Variants in IRAK2 observed in about 807,000 individuals in gnomAD.
The protein encoded by IRAK2 is interleukin 1 receptor associated kinase 2.
Under a neutral mutation model 72.0 loss-of-function variants are expected in IRAK2, and 57 were observed. The observed-to-expected ratio is 0.79, with a 90% confidence interval of 0.64 to 0.99. The LOEUF (loss-of-function observed/expected upper bound fraction) is 0.99, where lower values mean the gene tolerates loss of function less well. Ranked by LOEUF, IRAK2 falls within the 50% of genes least tolerant of loss-of-function variation. The probability of loss-of-function intolerance (pLI) is 0.00; values close to 1 mark genes in which losing one functional copy is unlikely to be tolerated. For missense variants in IRAK2, 790 were observed against 794.4 expected, an observed-to-expected ratio of 0.99 and a Z score of 0.07; for synonymous variants, 293 against 312.7, an observed-to-expected ratio of 0.94 and a Z score of 0.67.
In IRAK2 at chr3:10,192,175, C is replaced by A. The variant is rs149186281; in HGVS notation, c.278-8194C>A. Among the ~76,000 whole-genome samples, 781 of 152,210 alleles carry A rather than the reference C, an allele frequency of 5.1e-3. 13 individuals are homozygous for A. The highest frequency in any genetic ancestry group is 0.018 in the African/African-American group (740 of 41,518). ...TTGTCCCTGATAGAGCCAGCTGGCACGAGGGTGCTTTAGTTATAGCTGAAT... is the reference window on the plus strand; with the variant it reads ...TTGTCCCTGATAGAGCCAGCTGGCAAGAGGGTGCTTTAGTTATAGCTGAAT... On this transcript the variant is annotated intron_variant, in intron 2 of 12. Transcript: ENST00000256458.
At chr3:10,240,844 C>T (rs1229024820) in intron 12 of IRAK2, among the ~76,000 whole-genome samples, 1 of 151,682 alleles carries the variant, frequency 6.6e-6, no homozygotes, top group African/African-American at 2.4e-5. Flanking sequence ...TAGGTATGAG[C>T]CACCGCACCC....
At chr3:10,193,058 G>T (rs1697202138) in intron 2 of IRAK2, among the ~76,000 whole-genome samples, 2 of 152,196 alleles carry the variant, frequency 1.3e-5, no homozygotes, top group African/African-American at 2.4e-5. Context: ...GAGCCTGACT[G>T]CAGGACACAC....
At chr3:10,238,702 T>G (rs1448234226) in intron 11 of IRAK2, 46 bp from the exon 12 acceptor site, 2 of 1,574,316 alleles carry the variant, frequency 1.3e-6, no homozygotes, top group Non-Finnish European at 1.7e-6. Flanking sequence ...CATTTCTATT[T>G]CAGAGAGAAT....
intron 1 of IRAK2, among the ~76,000 whole-genome samples, chr3:10,175,782 C>T (rs532623073): frequency 2.1e-5 from 3 of 145,886 alleles, no homozygotes; most frequent in Admixed American, 1.4e-4. Context: ...CCCAGCTACT[C>T]GGGAGGCTGA....
intron 2 of IRAK2, among the ~76,000 whole-genome samples, chr3:10,190,687 G>C (rs1304360522): frequency 6.6e-6 from 1 of 152,158 alleles, no homozygotes; most frequent in Non-Finnish European, 1.5e-5. Flanking sequence ...TAGATGCTTA[G>C]CTCTTACAAC....
chr3:10,200,661 C>T (rs775513670), intron 3 of IRAK2, 146 bp downstream of exon 3: 28 of 603,946 alleles, frequency 4.6e-5, no homozygotes, highest in Non-Finnish European at 7.5e-5. Flanking sequence ...CTCCGTGAGG[C>T]TGAGGCGGGA....
At chr3:10,170,339 C>T (rs1269071733) in intron 1 of IRAK2, among the ~76,000 whole-genome samples, 1 of 152,196 alleles carries the variant, frequency 6.6e-6, no homozygotes, top group Non-Finnish European at 1.5e-5. Flanking sequence ...TCTCAGAATC[C>T]TTGATTTAAT....
At chr3:10,206,141 G>A (rs892260898) in intron 3 of IRAK2, among the ~76,000 whole-genome samples, 19 of 152,180 alleles carry the variant, frequency 1.2e-4, no homozygotes, top group Admixed American at 8.5e-4. Flanking sequence ...ACCATGGTGC[G>A]CCATTTCCGA....
At chr3:10,199,161 A>C (rs1468332276) in intron 2 of IRAK2, among the ~76,000 whole-genome samples, 2 of 152,084 alleles carry the variant, frequency 1.3e-5, no homozygotes, top group African/African-American at 4.8e-5. Flanking sequence ...GCCCAGCCAG[A>C]AGGGATAAGA....
Position 10,184,884 on chromosome 3 carries a change from C to T in IRAK2, c.277+6864C>T, listed in dbSNP as rs562057902. ...AGCTGGGACTACAGGCGCCCGCCAC[C>T]ATGCCCGGCTATTTTTTTATTTTTT... On this transcript the variant is annotated intron_variant, in intron 2 of 12. Coordinates refer to ENST00000256458, the MANE Select transcript of IRAK2 (RefSeq NM_001570.4). Among the ~76,000 whole-genome samples, 98 of 147,326 alleles carry T rather than the reference C, an allele frequency of 6.7e-4. 7 individuals are homozygous for T. The highest frequency in any genetic ancestry group is 2.4e-3 in the African/African-American group (91 of 37,400).
intron 1 of IRAK2, among the ~76,000 whole-genome samples, chr3:10,174,472 T>G (rs534907922): frequency 1.3e-5 from 2 of 152,316 alleles, no homozygotes; most frequent in Non-Finnish European, 2.9e-5. Context: ...GCTTCATCTC[T>G]TGCCTTCCCT....
intron 2 of IRAK2, among the ~76,000 whole-genome samples, chr3:10,182,721 TA>T (rs1413356223): frequency 2.6e-5 from 4 of 151,724 alleles, no homozygotes; most frequent in African/African-American, 9.7e-5. Context: ...TTTATTTTTT[TA>T]ATTTTAATTT....
intron 1 of IRAK2, among the ~76,000 whole-genome samples, chr3:10,168,353 G>T (rs1696737686): frequency 6.6e-6 from 1 of 151,880 alleles, no homozygotes; most frequent in Non-Finnish European, 1.5e-5. Context: ...TGGGATTACA[G>T]GCATGCACCA....
intron 11 of IRAK2, among the ~76,000 whole-genome samples, chr3:10,237,315 C>CT (rs1697976122): frequency 1.3e-5 from 2 of 152,076 alleles, no homozygotes; most frequent in African/African-American, 4.8e-5. Context: ...AGGAGATGGC[C>CT]TTAGCTCTTA....
At chr3:10,198,434 G>A (rs1030793726) in intron 2 of IRAK2, among the ~76,000 whole-genome samples, 2 of 152,192 alleles carry the variant, frequency 1.3e-5, no homozygotes, top group Admixed American at 1.3e-4. Context: ...GGCTGGTGGT[G>A]GCAGTGATGG....
intron 2 of IRAK2, among the ~76,000 whole-genome samples, chr3:10,186,323 C>T (rs950944379): frequency 1.3e-5 from 2 of 151,688 alleles, no homozygotes; most frequent in Non-Finnish European, 2.9e-5. Flanking sequence ...TCTTTGGCAA[C>T]ACAGTTCTGT....
In IRAK2 at chr3:10,211,625, A is replaced by G. The variant is rs184711753; in HGVS notation, c.529-1582A>G. 1.7e-3 allele frequency among the ~76,000 whole-genome samples: 260 copies of G among 152,250 alleles called. 6 individuals carry two copies. The South Asian group carries it at 0.042, about 25-fold the overall frequency. ...CAAAGTGAGACCCTGTCTCAAAAAG[A>G]AATCAAAACTATGTGTGTGGCATGA... is the stretch of plus-strand genomic sequence containing the variant. On this transcript the variant is annotated intron_variant, in intron 4 of 12. Transcript: ENST00000256458.
At chr3:10,220,980 C>G (rs1049871663) in intron 8 of IRAK2, among the ~76,000 whole-genome samples, 20 of 152,170 alleles carry the variant, frequency 1.3e-4, no homozygotes, top group African/African-American at 4.8e-4. Flanking sequence ...ACATTGTATA[C>G]CGTCATGTTT....
rs563968888 is a variant in IRAK2 at position 10,195,439 on chromosome 3, C to T, written c.278-4930C>T. Among the ~76,000 whole-genome samples, 30 of 151,920 alleles carry T rather than the reference C, an allele frequency of 2.0e-4. 1 individual carries two copies. Among genetic ancestry groups the T allele is most frequent in the Non-Finnish European group, 3.4e-4 (23 of 67,982 alleles). On this transcript the variant is annotated intron_variant, in intron 2 of 12. Coordinates refer to ENST00000256458, the MANE Select transcript of IRAK2 (RefSeq NM_001570.4). Reference sequence around the variant, plus strand: ...GGCGTGGTGTTGCCTGTAATCCCAGCGGCATGGGAGGCTAAGAGAGGAGGA... The same window carrying T: ...GGCGTGGTGTTGCCTGTAATCCCAGTGGCATGGGAGGCTAAGAGAGGAGGA...
Sources: gnomAD v4.1 joint callset for allele counts (sites outside exome capture counted in the v4.1 genomes callset) on GRCh38, gnomAD v4.1.1 for gene constraint, MANE v1.5 for transcripts, NCBI Gene and HGNC (gene_info 2026-07-23, HGNC 2026-07-21) for gene names.